MED23: variants seen among roughly 807,000 people sequenced by gnomAD.
MED23 encodes mediator complex subunit 23.
In MED23, 105 loss-of-function variants were observed where a neutral mutation model predicts 163.9. That is an observed-to-expected ratio of 0.64 (90% CI 0.55 to 0.75). MED23 has a LOEUF of 0.75. Ranked by LOEUF, MED23 falls within the 30% of genes least tolerant of loss-of-function variation. The pLI, the probability that MED23 is intolerant of heterozygous loss-of-function variation, is 0.00. For missense variants in MED23, 1,054 were observed against 1,649.0 expected, an observed-to-expected ratio of 0.64 and a Z score of 6.25; for synonymous variants, 561 against 565.6, an observed-to-expected ratio of 0.99 and a Z score of 0.12.
chr6:131,610,415 T>C (rs1046085617), intron 10 of MED23, among the ~76,000 whole-genome samples, 169 bp from the exon 11 acceptor site: 7 of 152,206 alleles, frequency 4.6e-5, no homozygotes, highest in African/African-American at 1.7e-4. Context: ...TGTTATATTA[T>C]TATACAGGAT....
Position 131,611,472 on chromosome 6 carries a change from T to C in MED23, c.877-1226A>G, listed in dbSNP as rs147090829. On this transcript the variant is annotated intron_variant, in intron 10 of 28. Coordinates refer to ENST00000368068, the MANE Select transcript of MED23 (RefSeq NM_004830.4). ...CATTACAGGTTTACAAATAGCAATA[T>C]TAACACCACCAGTTGAGACTACAGT... Among the ~76,000 whole-genome samples, 516 of 152,252 alleles carry C rather than the reference T, an allele frequency of 3.4e-3. 4 individuals are homozygous for C. The highest frequency in any genetic ancestry group is 0.012 in the African/African-American group (496 of 41,560).
In MED23 at chr6:131,579,631, A is replaced by G. The variant is rs974443597; in HGVS notation, c.4096-5336T>C. On this transcript the variant is annotated intron_variant, in intron 30 of 30. Coordinates refer to the MED23 transcript ENST00000354577. ...TGCCGATAATATATACAACTCATAT[A>G]GGTCAACAATTTCAAAGCATGTGTT... 6 of 178,692 alleles carry G rather than the reference A, an allele frequency of 3.4e-5. No individual in the cohort carries two copies. In the South Asian group the frequency reaches 3.6e-4, roughly 11 times the overall value. The allele number at this position is 178,692 out of a possible 1,614,324, so 11.1% of individuals were successfully genotyped here.
At chr6:131,574,947 T>G (rs1164719483) in intron 30 of MED23, among the ~76,000 whole-genome samples, 1 of 152,138 alleles carries the variant, frequency 6.6e-6, no homozygotes, top group Non-Finnish European at 1.5e-5. Flanking sequence ...TGCCCTTGAT[T>G]TGCACTGATG....
At chr6:131,617,661 A>C (rs555071483) in intron 9 of MED23, among the ~76,000 whole-genome samples, 1 of 152,272 alleles carries the variant, frequency 6.6e-6, no homozygotes, top group African/African-American at 2.4e-5. Context: ...AAAACAGAAT[A>C]ACCAAAGTGA....
At chr6:131,627,932 G>C in intron 1 of MED23, 79 bp downstream of exon 1, 1 of 1,580,198 alleles carries the variant, frequency 6.3e-7, no homozygotes, top group Non-Finnish European at 8.7e-7. Flanking sequence ...AGGTTGCCCA[G>C]GCCAGTTTCC....
In MED23 at chr6:131,598,666, G is replaced by A. The variant is rs143671912; in HGVS notation, c.2316C>T (p.Asn772=). ...EEYRKWKSMS[N]ENDIITHFSM... ...AGAAGTGGGTAATAATGTCGTTTTC[G>A]TTGCTCATTGACTTCCACTTCCTAT... The change falls in exon 19 of 29, where the codon AAC becomes AAT. Residue 772 remains asparagine (N), a synonymous_variant. Coordinates refer to ENST00000368068, the MANE Select transcript of MED23 (RefSeq NM_004830.4). This position sits in a 1 kb window ranked among gnomAD's most constrained non-coding sequence, Gnocchi z 4.7. 253 of 1,614,084 alleles carry A rather than the reference G, an allele frequency of 1.6e-4. 1 individual carries two copies. The highest frequency in any genetic ancestry group is 1.3e-3 in the Middle Eastern group (8 of 6,062).
At chr6:131,584,261 T>C (rs554233544), downstream of MED23, 23 of 278,272 alleles carry the variant, frequency 8.3e-5, no homozygotes, top group African/African-American at 5.0e-4. Flanking sequence ...CTACCACATG[T>C]GGAAAGGTAC....
At position 131,594,343 on chromosome 6, in the gene MED23, GA is replaced by G. The variant is rs377674199; in HGVS notation, c.2996-9del. 3.1e-6 allele frequency: 5 copies of G among 1,589,704 alleles called. No individual in the cohort carries two copies. The highest frequency in any genetic ancestry group is 1.3e-5 in the African/African-American group (1 of 74,336). ...GATAAGTCACTGGACGATCTGCCAA[GA>G]AAAAAACATACCACCACAATGTTTA... On this transcript the variant is annotated splice_polypyrimidine_tract_variant and intron_variant, in intron 22 of 28. Transcript: ENST00000368068.
chr6:131,579,857 T>TGAGA (rs142346886), intron 30 of MED23, among the ~76,000 whole-genome samples: 4 of 149,218 alleles, frequency 2.7e-5, no homozygotes, highest in East Asian at 3.9e-4. Context: ...TGTGTGTGTG[T>TGAGA]GAGAGAGAGA....
intron 9 of MED23, among the ~76,000 whole-genome samples, chr6:131,616,546 T>C (rs974188401): frequency 2.0e-5 from 3 of 152,166 alleles, no homozygotes; most frequent in African/African-American, 7.2e-5. Flanking sequence ...AGGCCAGGCA[T>C]AGTGGCTCAT....
At chr6:131,590,509 C>G (rs1348070380) in intron 26 of MED23, 67 bp from the exon 27 acceptor site, 4 of 1,146,936 alleles carry the variant, frequency 3.5e-6, no homozygotes, top group Non-Finnish European at 5.2e-6. Flanking sequence ...TTTGTTCATA[C>G]AGTATATACA....
upstream of MED23, chr6:131,628,275 C>T: frequency 1.8e-6 from 1 of 569,434 alleles, no homozygotes; most frequent in South Asian, 2.0e-5. Flanking sequence ...TTTGCAAACC[C>T]CGCAGAAACC....
At chr6:131,626,063 A>G (rs984769848) in intron 3 of MED23, among the ~76,000 whole-genome samples, 1 of 148,646 alleles carries the variant, frequency 6.7e-6, no homozygotes, top group Non-Finnish European at 1.5e-5. Flanking sequence ...CAGAGGTTGC[A>G]GTGAGCCAAG....
rs1327553152 is a variant in MED23, at chr6:131,586,736, G to C, written c.*943C>G. On this transcript the variant is annotated 3_prime_UTR_variant, in exon 29 of 29. Transcript: ENST00000368068. ...CCGACACTCATTCCAATGGAGTCGG[G>C]AAACAATCACACGGTTTATTCATTC... 6.9e-7 allele frequency: 1 copy of C among 1,443,718 alleles called. No homozygotes were observed. Among genetic ancestry groups the C allele is most frequent in the Admixed American group, 2.1e-5 (1 of 46,980 alleles). The allele number at this position is 1,443,718 out of a possible 1,614,324, so 89.4% of individuals were successfully genotyped here.
intron 28 of MED23, 128 bp downstream of exon 28, chr6:131,589,337 C>A (rs1393098198): frequency 1.2e-6 from 1 of 839,346 alleles, no homozygotes; most frequent in Non-Finnish European, 1.9e-6. Context: ...CTCATACCCA[C>A]CCTTTTTCCT....
chr6:131,574,905 T>C (rs1283404763), intron 30 of MED23, among the ~76,000 whole-genome samples: 1 of 152,208 alleles, frequency 6.6e-6, no homozygotes, highest in East Asian at 1.9e-4. Context: ...GACTGCATAA[T>C]TCCAGACAAG....
chr6:131,620,905 TG>T (rs1777051287), intron 6 of MED23, among the ~76,000 whole-genome samples, 176 bp from the exon 7 acceptor site: 1 of 151,786 alleles, frequency 6.6e-6, no homozygotes, highest in Admixed American at 6.6e-5. Flanking sequence ...GGGGCTCCAG[TG>T]GTGTTCCCAC....
intron 7 of MED23, among the ~76,000 whole-genome samples, 157 bp from the exon 8 acceptor site, chr6:131,620,053 T>TA (rs1776980244): frequency 6.6e-6 from 1 of 152,172 alleles, no homozygotes; most frequent in African/African-American, 2.4e-5. Flanking sequence ...TGCTTCCTTC[T>TA]AAAAAATCAC....
chr6:131,609,899 G>T, intron 11 of MED23, 147 bp downstream of exon 11: 1 of 739,992 alleles, frequency 1.4e-6, no homozygotes, highest in Non-Finnish European at 2.3e-6. Context: ...AAAGTAAAAA[G>T]TTAAGAAACT....
Sources: gnomAD v4.1 joint callset for allele counts (sites outside exome capture counted in the v4.1 genomes callset) on GRCh38, gnomAD v4.1.1 for gene constraint, Gnocchi (gnomAD v3.1) non-coding constraint, MANE v1.5 for transcripts, NCBI Gene and HGNC (gene_info 2026-07-23, HGNC 2026-07-21) for gene names.